The following C4orf50 variants were observed in gnomAD, a reference collection of about 807,000 sequenced individuals.
The protein encoded by C4orf50 is uncharacterized protein C4orf50.
Under a neutral mutation model 77.2 loss-of-function variants are expected in C4orf50, and 80 were observed. That is an observed-to-expected ratio of 1.04 (90% CI 0.87 to 1.25). The LOEUF (loss-of-function observed/expected upper bound fraction) is 1.25. Among genes scored for constraint, C4orf50 ranks in the 50% most tolerant of loss-of-function variants. The pLI, the probability that C4orf50 is intolerant of heterozygous loss-of-function variation, is 0.00. For synonymous variants in C4orf50, 532 were observed against 465.3 expected (o/e 1.14, Z -1.84); for missense variants, 1,257 against 1,152.9 (o/e 1.09, Z -1.31).
At position 5,966,368 on chromosome 4, in the gene C4orf50, G is replaced by T. The variant is rs568296061; in HGVS notation, c.4153+1046C>A. Among the ~76,000 whole-genome samples the T allele has an allele frequency of 2.1e-3, 324 of 152,054 alleles. 1 individual carries two copies. Among genetic ancestry groups the T allele is most frequent in the African/African-American group, 6.2e-3 (257 of 41,492 alleles). On this transcript the variant is annotated intron_variant, in intron 32 of 33. Transcript: ENST00000531445. ...TGGGCGCCTGCAATCTCAGCTACTC[G>T]GGAGGCTGAGGCAAGAGAATTGCTT...
intron 25 of C4orf50, among the ~76,000 whole-genome samples, chr4:6,004,151 G>T: frequency 7.0e-6 from 1 of 141,894 alleles, no homozygotes; most frequent in Admixed American, 6.9e-5. Flanking sequence ...TGATGATGGT[G>T]ATGGTGATGA....
chr4:5,944,676 TG>T (rs1384290208), intron 7 of C4orf50, among the ~76,000 whole-genome samples: 1 of 152,072 alleles, frequency 6.6e-6, no homozygotes, highest in East Asian at 1.9e-4. Flanking sequence ...GGTACCCACA[TG>T]AACCAGATGC....
exon 28 of C4orf50, chr4:5,988,588 T>G (rs1283336909): frequency 1.3e-6 from 2 of 1,536,254 alleles, no homozygotes; most frequent in African/African-American, 2.7e-5. Flanking sequence ...CATTTCCTCC[T>G]CCAAGGGTGG....
At position 5,901,256 on chromosome 4, in the gene C4orf50, CATTAT is replaced by C. The variant is rs1716330780; in HGVS notation, c.*2475-3073_*2475-3069del. 6.6e-6 allele frequency: 1 copy of C among 152,308 alleles called. No individual in the cohort carries two copies. Among genetic ancestry groups the C allele is most frequent in the African/African-American group, 2.4e-5 (1 of 41,566 alleles). The allele number at this position is 152,308 out of a possible 1,614,324, so 9.4% of individuals were successfully genotyped here. A position where few individuals can be genotyped will look rare whatever the true frequency, so the allele number is the denominator to read the frequency against. The stretch of plus-strand genomic sequence containing the variant: ...ACACAGTAGGTGTATAATAAATGTG[CATTAT>C]ATTAATGACATGAGTAAAGTATATG... On this transcript the variant is annotated intron_variant, in intron 7 of 7. Transcript: ENST00000324058. The surrounding 1 kb of genome is among the most constrained non-coding windows in gnomAD (Gnocchi z 4.4).
At chr4:5,968,490 G>T (rs1719710889) in intron 31 of C4orf50, among the ~76,000 whole-genome samples, 1 of 152,154 alleles carries the variant, frequency 6.6e-6, no homozygotes, top group South Asian at 2.1e-4. Flanking sequence ...CCTGAACGGT[G>T]CTCTTAGAGC....
chr4:5,955,572 G>A (rs1718919148), downstream of C4orf50, among the ~76,000 whole-genome samples: 1 of 152,220 alleles, frequency 6.6e-6, no homozygotes, highest in Admixed American at 6.5e-5. This position sits in a 1 kb window ranked among gnomAD's most constrained non-coding sequence, Gnocchi z 5.1. Context: ...CTGCCGCGTG[G>A]TGGATGGGGA....
intron 26 of C4orf50, among the ~76,000 whole-genome samples, 175 bp downstream of exon 4, chr4:5,994,172 A>G (rs1470104877): frequency 6.6e-6 from 1 of 152,210 alleles, no homozygotes; most frequent in Non-Finnish European, 1.5e-5. Flanking sequence ...CACCTGCAGC[A>G]GCTGTGTGAC....
rs1223665516 is a variant in C4orf50 at position 6,018,393 on chromosome 4, G to A, written c.39C>T (p.Phe13=). 2.5e-6 allele frequency: 1 copy of A among 398,930 alleles called. No individual in the cohort carries two copies. Among genetic ancestry groups the A allele is most frequent in the Non-Finnish European group, 4.4e-6 (1 of 226,092 alleles). The allele number at this position is 398,930 out of a possible 1,614,324, so 24.7% of individuals were successfully genotyped here. ...TGCTGGGGGCTCTGATGACGTAGCT[G>A]AAACTCTCCTCAGTCCGTCCCTTGG... is the stretch of plus-strand genomic sequence containing the variant. The change falls in exon 23 of 34, where the codon TTC becomes TTT. Residue 13 remains phenylalanine, a synonymous_variant. Transcript: ENST00000531445. This position sits in a 1 kb window ranked among gnomAD's most constrained non-coding sequence, Gnocchi z 5.1.
intron 27 of C4orf50, among the ~76,000 whole-genome samples, chr4:5,991,234 A>G (rs758807251): frequency 6.6e-6 from 1 of 152,112 alleles, no homozygotes; most frequent in Non-Finnish European, 1.5e-5. Context: ...TGTCCAATCC[A>G]CTAGTCATAG....
intron 25 of C4orf50, among the ~76,000 whole-genome samples, chr4:6,003,833 GATGTGATA>G (rs1721985899): frequency 1.2e-5 from 1 of 86,212 alleles, no homozygotes; most frequent in Non-Finnish European, 2.4e-5. Flanking sequence ...TGATGGTGAT[GATGTGATA>G]GTGATGATGG....
downstream of C4orf50, among the ~76,000 whole-genome samples, chr4:5,954,474 G>C (rs866420166): frequency 6.6e-6 from 1 of 152,124 alleles, no homozygotes. This position sits in a 1 kb window ranked among gnomAD's most constrained non-coding sequence, Gnocchi z 4.7. Flanking sequence ...GCAGATGAGG[G>C]AGGTGATGTG....
At chr4:5,985,080 G>A (rs2108785386) in intron 28 of C4orf50, among the ~76,000 whole-genome samples, 1 of 152,168 alleles carries the variant, frequency 6.6e-6, no homozygotes, top group Non-Finnish European at 1.5e-5. Context: ...AATGGAATGA[G>A]ATCTTTAAAG....
chr4:5,975,777 C>A, intron 30 of C4orf50, 122 bp downstream of exon 8: 1 of 747,086 alleles, frequency 1.3e-6, no homozygotes, highest in South Asian at 1.6e-5. Context: ...GTGTGAGCCA[C>A]CGTGCCTGGC....
chr4:5,988,358 T>G (rs777590229), exon 28 of C4orf50: 2 of 1,613,930 alleles, frequency 1.2e-6, no homozygotes, highest in Non-Finnish European at 1.7e-6. Context: ...ATGGGGCCAT[T>G]GCTCAGGGAG....
intron 7 of C4orf50, among the ~76,000 whole-genome samples, chr4:5,920,607 G>C (rs751164254): frequency 5.3e-5 from 8 of 151,262 alleles, no homozygotes; most frequent in Non-Finnish European, 1.0e-4. Flanking sequence ...CTCCCAAGTA[G>C]CTGGGACTAC....
In C4orf50 at chr4:5,908,036, GATTCATTCATTC is replaced by G. The variant is rs61240934; in HGVS notation, c.*2475-9860_*2475-9849del. On this transcript the variant is annotated intron_variant, in intron 7 of 7. Transcript: ENST00000324058. The surrounding 1 kb of genome is among the most constrained non-coding windows in gnomAD (Gnocchi z 5.6). ...TAACAAAAAGAGCTGACCATTCACT[GATTCATTCATTC>G]ATTCATTCATTCATTTGCTTGTTTA... is the stretch of plus-strand genomic sequence containing the variant. Among the ~76,000 whole-genome samples the G allele has an allele frequency of 6.6e-6, 1 of 151,388 alleles. No homozygotes were observed. Among genetic ancestry groups the G allele is most frequent in the African/African-American group, 2.4e-5 (1 of 41,460 alleles).
At chr4:5,922,639 G>T (rs1380122963) in intron 7 of C4orf50, among the ~76,000 whole-genome samples, 1 of 152,212 alleles carries the variant, frequency 6.6e-6, no homozygotes, top group Non-Finnish European at 1.5e-5. Context: ...CTCACCTGTA[G>T]ATGGTAAGCA....
At chr4:5,921,051 G>A (rs558486939) in intron 7 of C4orf50, among the ~76,000 whole-genome samples, 1 of 152,200 alleles carries the variant, frequency 6.6e-6, no homozygotes, top group Non-Finnish European at 1.5e-5. Flanking sequence ...GCTTATCTGA[G>A]TGACCTGAGA....
chr4:5,916,968 C>G lies in C4orf50; in HGVS notation c.*2475-18780G>C, dbSNP rs1717054681. Among the ~76,000 whole-genome samples the G allele has an allele frequency of 6.6e-6, 1 of 152,146 alleles. No individual in the cohort carries two copies. Among genetic ancestry groups the G allele is most frequent in the Admixed American group, 6.5e-5 (1 of 15,286 alleles). On this transcript the variant is annotated intron_variant, in intron 7 of 7. Transcript: ENST00000324058. The surrounding 1 kb of genome is among the most constrained non-coding windows in gnomAD (Gnocchi z 4.4). ...GGTGGAAATCCAGAGCTGGCTTTCCCTAGAAGTTGGAAGTTTCCCTGGTTC... is the reference window on the plus strand; with the variant it reads ...GGTGGAAATCCAGAGCTGGCTTTCCGTAGAAGTTGGAAGTTTCCCTGGTTC...
Sources: gnomAD v4.1 joint callset for allele counts (sites outside exome capture counted in the v4.1 genomes callset) on GRCh38, gnomAD v4.1.1 for gene constraint, Gnocchi (gnomAD v3.1) non-coding constraint, MANE v1.5 for transcripts, NCBI Gene and HGNC (gene_info 2026-07-23, HGNC 2026-07-21) for gene names.